CDH12: variants seen among roughly 807,000 people sequenced by gnomAD.
The protein encoded by CDH12 is cadherin-12.
Under a neutral mutation model 74.1 loss-of-function variants are expected in CDH12, and 41 were observed. The ratio of observed to expected loss-of-function variants is 0.55; its 90% CI spans 0.43 to 0.72. The LOEUF is 0.72. CDH12 is among the 30% of genes least tolerant of loss of function. CDH12 has a pLI of 0.00. For synonymous variants in CDH12, 399 were observed against 355.0 expected (o/e 1.12, Z -1.39); for missense variants, 945 against 977.2 (o/e 0.97, Z 0.44).
At chr5:22,079,177 G>C (rs73068922) in intron 4 of CDH12, among the ~76,000 whole-genome samples, 1,819 of 152,286 alleles carry the variant, frequency 0.012, 41 homozygotes, top group African/African-American at 0.041. Context: ...TATTAAGTTA[G>C]AGTAGGATCT....
chr5:22,211,000 C>T (rs538036014), intron 4 of CDH12, among the ~76,000 whole-genome samples: 40 of 152,300 alleles, frequency 2.6e-4, no homozygotes, highest in South Asian at 2.5e-3. Context: ...TAGCTACAAA[C>T]ATACTGGTAG....
intron 1 of CDH12, among the ~76,000 whole-genome samples, chr5:22,815,769 C>CAAAAAAAAAAAAA (rs34135797): frequency 4.1e-5 from 4 of 97,054 alleles, no homozygotes; most frequent in Non-Finnish European, 4.1e-5. Context: ...GACTCCGTCT[C>CAAAAAAAAAAAAA]AAAAAAAAAA....
At chr5:22,164,654 G>A (rs1748576360) in intron 4 of CDH12, among the ~76,000 whole-genome samples, 1 of 152,102 alleles carries the variant, frequency 6.6e-6, no homozygotes, top group Non-Finnish European at 1.5e-5. Flanking sequence ...TCCAGTGCCT[G>A]GGTTTATATC....
chr5:22,798,390 T>C (rs1452849218), intron 1 of CDH12, among the ~76,000 whole-genome samples: 1 of 152,186 alleles, frequency 6.6e-6, no homozygotes, highest in Non-Finnish European at 1.5e-5. Flanking sequence ...ACATATCATA[T>C]ATATTTTTTA....
chr5:22,798,257 G>A (rs1372914876), intron 1 of CDH12, among the ~76,000 whole-genome samples: 1 of 151,818 alleles, frequency 6.6e-6, no homozygotes, highest in Non-Finnish European at 1.5e-5. Flanking sequence ...TTTCCTCTGA[G>A]GTTTATGACC....
intron 4 of CDH12, among the ~76,000 whole-genome samples, chr5:22,082,690 C>T (rs140835128): frequency 6.0e-4 from 92 of 152,230 alleles, no homozygotes; most frequent in Non-Finnish European, 9.9e-4. Context: ...AGCTAATTCA[C>T]CAACACATAA....
chr5:22,390,728 C>T (rs1204532260), intron 3 of CDH12, among the ~76,000 whole-genome samples: 1 of 152,014 alleles, frequency 6.6e-6, no homozygotes, highest in African/African-American at 2.4e-5. Context: ...GTGGGAAAGA[C>T]AAAATTGTGG....
At chr5:21,923,214 G>T (rs980277812) in intron 6 of CDH12, among the ~76,000 whole-genome samples, 2 of 152,020 alleles carry the variant, frequency 1.3e-5, no homozygotes, top group Non-Finnish European at 2.9e-5. Flanking sequence ...AGATTAGAAA[G>T]GACATTCCAA....
chr5:22,227,461 G>C (rs1414518493), intron 3 of CDH12, among the ~76,000 whole-genome samples: 3 of 152,042 alleles, frequency 2.0e-5, no homozygotes, highest in Non-Finnish European at 4.4e-5. Flanking sequence ...TAATTTGTTT[G>C]ATTTTTTCAG....
chr5:21,909,570 C>T (rs77621915), intron 6 of CDH12, among the ~76,000 whole-genome samples: 4,403 of 152,084 alleles, frequency 0.029, 183 homozygotes, highest in African/African-American at 0.087. Flanking sequence ...TTTCTCAAAC[C>T]AACTACATTT....
chr5:21,808,166 C>G (rs6452002), intron 9 of CDH12, among the ~76,000 whole-genome samples: 104,348 of 151,712 alleles, frequency 0.69, 37,048 homozygotes, highest in Non-Finnish European at 0.78. Context: ...CAAACAGCCA[C>G]GAGGAACTGG....
intron 8 of CDH12, among the ~76,000 whole-genome samples, chr5:21,840,879 C>T (rs544338073): frequency 7.9e-4 from 121 of 152,210 alleles, no homozygotes; most frequent in Non-Finnish European, 1.4e-3. Context: ...AAGACTTAAA[C>T]GTTAGACCTA....
chr5:22,184,826 T>C (rs1749842502), intron 4 of CDH12, among the ~76,000 whole-genome samples: 1 of 152,310 alleles, frequency 6.6e-6, no homozygotes, highest in Non-Finnish European at 1.5e-5. Context: ...AGTCACACAA[T>C]GCCTAGTATA....
chr5:21,870,037 T>C (rs111564630), intron 6 of CDH12, among the ~76,000 whole-genome samples: 9 of 152,242 alleles, frequency 5.9e-5, no homozygotes, highest in African/African-American at 2.2e-4. Context: ...CGAGATCTGA[T>C]GGTTTGTTTT....
chr5:22,058,001 CTAT>C (rs1485949521), intron 5 of CDH12, among the ~76,000 whole-genome samples: 1 of 61,378 alleles, frequency 1.6e-5, no homozygotes, highest in African/African-American at 5.5e-5. Flanking sequence ...TCCTTGTATT[CTAT>C]CTATCTATCT....
At chr5:21,849,160 C>T (rs1411640547) in intron 7 of CDH12, among the ~76,000 whole-genome samples, 3 of 151,826 alleles carry the variant, frequency 2.0e-5, no homozygotes, top group Admixed American at 1.3e-4. Flanking sequence ...CTGTAACTCA[C>T]ACTATGTATT....
intron 3 of CDH12, among the ~76,000 whole-genome samples, chr5:22,250,434 C>T (rs970397714): frequency 2.0e-5 from 3 of 152,084 alleles, no homozygotes; most frequent in Non-Finnish European, 4.4e-5. Context: ...ATCAGAATCC[C>T]TACAGGTGGA....
intron 3 of CDH12, among the ~76,000 whole-genome samples, chr5:22,283,249 TATAC>T (rs1274446841): frequency 2.4e-4 from 28 of 116,160 alleles, no homozygotes; most frequent in East Asian, 1.7e-3. Flanking sequence ...TATATATATA[TATAC>T]ACACACACAC....
intron 4 of CDH12, chr5:22,142,690 C>A: frequency 3.0e-6 from 1 of 336,386 alleles, no homozygotes; most frequent in Non-Finnish European, 5.7e-6. Context: ...GACCATGGCT[C>A]AATTACACCT....
Sources: allele counts gnomAD v4.1 joint callset (sites outside exome capture counted in the v4.1 genomes callset), GRCh38; gene constraint gnomAD v4.1.1; transcripts MANE v1.5; gene names NCBI Gene and HGNC (gene_info 2026-07-23, HGNC 2026-07-21).